The following GLI3 variants were observed in gnomAD, a reference collection of about 807,000 sequenced individuals.
GLI3 encodes GLI family zinc finger 3.
GLI3 carries 20 observed loss-of-function variants against 100.8 expected under a neutral mutation model. The observed-to-expected ratio is 0.20, with a 90% CI of 0.14 to 0.29. The LOEUF is 0.29. Among genes scored for constraint, GLI3 ranks in the 10% least tolerant of loss-of-function variants. The pLI, the probability that GLI3 is intolerant of heterozygous loss-of-function variation, is 1.00. For synonymous variants in GLI3, 938 were observed against 860.5 expected (o/e 1.09, Z -1.58); for missense variants, 2,040 against 2,128.5 (o/e 0.96, Z 0.82).
chr7:42,093,244 TGGC>T (rs1785265982), intron 3 of GLI3, among the ~76,000 whole-genome samples: 1 of 151,798 alleles, frequency 6.6e-6, no homozygotes, highest in Admixed American at 6.6e-5. Flanking sequence ...CCGGGTGTGG[TGGC>T]ACATGCCTGT....
rs1186292634 is a variant in GLI3, at chr7:42,262,209, T to TTCCTTCCTTCCTTCCTTACTTCCTTCC, written c.-43+1784_-43+1785insGGAAGGAAGTAAGGAAGGAAGGAAGGA. The stretch of plus-strand genomic sequence containing the variant: ...TTCTTTTATTTTTTTTCCTTCCTTC[T>TTCCTTCCTTCCTTCCTTACTTCCTTCC]TTCCTTCCTTCCTTCTTTCCTTCCT... On this transcript the variant is annotated intron_variant, in intron 1 of 2. Coordinates refer to the GLI3 transcript ENST00000678978. 1.7e-3 allele frequency among the ~76,000 whole-genome samples: 183 copies of TTCCTTCCTTCCTTCCTTACTTCCTTCC among 110,888 alleles called. 2 individuals carry two copies. Among genetic ancestry groups the TTCCTTCCTTCCTTCCTTACTTCCTTCC allele is most frequent in the Admixed American group, 1.2e-3 (13 of 10,736 alleles). 72.7% of individuals were successfully genotyped at this position (110,888 alleles called of 152,430 possible).
At chr7:42,217,517 T>C (rs1194866555) in intron 2 of GLI3, among the ~76,000 whole-genome samples, 4 of 152,338 alleles carry the variant, frequency 2.6e-5, no homozygotes, top group African/African-American at 4.8e-5. Flanking sequence ...AGAAAAAGGA[T>C]GTATATATGC....
chr7:42,013,152 A>T (rs1788666394), intron 10 of GLI3, among the ~76,000 whole-genome samples: 1 of 152,212 alleles, frequency 6.6e-6, no homozygotes, highest in African/African-American at 2.4e-5. Flanking sequence ...TGCCAAACAG[A>T]TCAGGAACTA....
At chr7:41,994,526 G>A (rs144684433) in intron 10 of GLI3, among the ~76,000 whole-genome samples, 2 of 152,322 alleles carry the variant, frequency 1.3e-5, no homozygotes. Flanking sequence ...GTGTGTGTGT[G>A]TGCAAAATTC....
At chr7:42,193,522 TAA>T (rs1386605909) in intron 2 of GLI3, among the ~76,000 whole-genome samples, 2 of 152,270 alleles carry the variant, frequency 1.3e-5, no homozygotes, top group African/African-American at 4.8e-5. Context: ...GAGAGAAAAT[TAA>T]AAGTCTCCAC....
At chr7:42,024,906 C>A (rs1290722239) in intron 9 of GLI3, among the ~76,000 whole-genome samples, 1 of 152,158 alleles carries the variant, frequency 6.6e-6, no homozygotes, top group African/African-American at 2.4e-5. Flanking sequence ...ATAATTCAGG[C>A]CCAAAATCAC....
rs772276953 is a variant in GLI3 at position 41,967,795 on chromosome 7, G to C, written c.2232C>G (p.Ile744Met). The part of the protein sequence containing the change: ...DGGSIGDLSA[I>M]DETPIMDSTI... ...TTGAGTCCATGATTGGGGTTTCATC[G>C]ATGGCACTGAGGTCTCCTATACTAC... is the stretch of plus-strand genomic sequence containing the variant. The change falls in exon 14 of 15, where the codon ATC becomes ATG. Residue 744 changes from isoleucine (I) to methionine (M), a missense_variant. Coordinates refer to ENST00000395925, the MANE Select transcript of GLI3 (RefSeq NM_000168.6). 1.9e-6 allele frequency: 3 copies of C among 1,614,172 alleles called. No homozygotes were observed. Among genetic ancestry groups the C allele is most frequent in the East Asian group, 4.5e-5 (2 of 44,882 alleles).
intron 3 of GLI3, among the ~76,000 whole-genome samples, chr7:42,095,752 C>T (rs1233142658): frequency 6.6e-6 from 1 of 152,100 alleles, no homozygotes; most frequent in Non-Finnish European, 1.5e-5. Context: ...TTGAGGTGAC[C>T]ACCACAGCCA....
chr7:42,034,687 T>C (rs1789388982), intron 7 of GLI3, among the ~76,000 whole-genome samples: 1 of 152,128 alleles, frequency 6.6e-6, no homozygotes, highest in Non-Finnish European at 1.5e-5. Flanking sequence ...CTTGTCATCA[T>C]CCTATAAGTC....
intron 3 of GLI3, among the ~76,000 whole-genome samples, chr7:42,133,839 T>C (rs1786355529): frequency 6.6e-6 from 1 of 151,994 alleles, no homozygotes; most frequent in South Asian, 2.1e-4. Flanking sequence ...CCTAGCACTT[T>C]GGGAGGCCCA....
At chr7:42,119,903 A>G (rs1199681080) in intron 3 of GLI3, among the ~76,000 whole-genome samples, 1 of 152,162 alleles carries the variant, frequency 6.6e-6, no homozygotes, top group Non-Finnish European at 1.5e-5. Flanking sequence ...ATAAAACTTG[A>G]CAGCCCAAAA....
At chr7:42,152,444 G>GT in intron 2 of GLI3, 1 of 984,868 alleles carries the variant, frequency 1.0e-6, no homozygotes, top group Non-Finnish European at 1.2e-6. Flanking sequence ...AACATTCTCG[G>GT]TATCTCTCTG....
Position 42,123,404 on chromosome 7 carries a change from T to C in GLI3, c.367+24822A>G, listed in dbSNP as rs56316136. 7.7e-3 allele frequency among the ~76,000 whole-genome samples: 1,168 copies of C among 152,316 alleles called. 17 individuals are homozygous for C. Among genetic ancestry groups the C allele is most frequent in the African/African-American group, 0.025 (1,060 of 41,570 alleles). ...GCAGTTTCATATTTAGTAAAGTCTA[T>C]ATTTTTGTTGACAGTACACACCAAA... is the stretch of plus-strand genomic sequence containing the variant. On this transcript the variant is annotated intron_variant, in intron 3 of 14. Coordinates refer to ENST00000395925, the MANE Select transcript of GLI3 (RefSeq NM_000168.6).
chr7:42,008,173 T>C (rs1788510415), intron 10 of GLI3, among the ~76,000 whole-genome samples: 1 of 152,154 alleles, frequency 6.6e-6, no homozygotes, highest in Non-Finnish European at 1.5e-5. Context: ...GGTGTACAAT[T>C]TAAACAACCT....
At chr7:42,147,464 A>AGCT (rs1786741610) in intron 3 of GLI3, among the ~76,000 whole-genome samples, 1 of 152,198 alleles carries the variant, frequency 6.6e-6, no homozygotes, top group Admixed American at 6.5e-5. Flanking sequence ...TGTAATCAAG[A>AGCT]GCTGCAAGCT....
intron 2 of GLI3, among the ~76,000 whole-genome samples, chr7:42,188,689 T>G (rs138566014): frequency 3.8e-3 from 581 of 152,242 alleles, no homozygotes; most frequent in African/African-American, 0.013. Flanking sequence ...TATCAAGTCA[T>G]GAAAAGACAT....
At chr7:41,980,478 G>C (rs1787631326) in intron 10 of GLI3, among the ~76,000 whole-genome samples, 1 of 152,112 alleles carries the variant, frequency 6.6e-6, no homozygotes, top group Non-Finnish European at 1.5e-5. Context: ...TTCTCAAACG[G>C]GAGAAAAAGA....
In GLI3 at chr7:42,048,687, G is replaced by A. The variant is rs780631353; in HGVS notation, c.483C>T (p.Ala161=). The change falls in exon 5 of 15, where the codon GCC becomes GCT. Residue 161 remains alanine (A), a synonymous_variant. Coordinates refer to ENST00000395925, the MANE Select transcript of GLI3 (RefSeq NM_000168.6). ...SPIPPLHMTS[A]LSSSPTYPDL... ...CCGGATACGTAGGGCTACTAGATAA[G>A]GCGGAAGTCCTGGGTACAAAGAAAA... 1 of 1,609,138 alleles carries A rather than the reference G, an allele frequency of 6.2e-7. No individual in the cohort carries two copies. Among genetic ancestry groups the A allele is most frequent in the Non-Finnish European group, 8.5e-7 (1 of 1,178,084 alleles).
intron 2 of GLI3, among the ~76,000 whole-genome samples, chr7:42,219,853 C>CT (rs769305998): frequency 0.04 from 5,295 of 133,688 alleles, 323 homozygotes; most frequent in African/African-American, 0.13. Context: ...AAACTGAACT[C>CT]TTTTTTTTTT....
Sources: gnomAD v4.1 joint callset for allele counts (sites outside exome capture counted in the v4.1 genomes callset) on GRCh38, gnomAD v4.1.1 for gene constraint, MANE v1.5 for transcripts, NCBI Gene and HGNC (gene_info 2026-07-23, HGNC 2026-07-21) for gene names.